The following GOLGA6L7 variants were observed in gnomAD, a reference collection of about 807,000 sequenced individuals.
GOLGA6L7 encodes golgin subfamily A member 6-like protein 7.
A neutral mutation model predicts 68.9 loss-of-function variants in GOLGA6L7; 29 were observed. The ratio of observed to expected loss-of-function variants is 0.42; its 90% CI spans 0.31 to 0.57. The LOEUF (loss-of-function observed/expected upper bound fraction) is 0.57, where lower values mean the gene tolerates loss of function less well. Ranked by LOEUF, GOLGA6L7 falls within the 20% of genes least tolerant of loss-of-function variation. GOLGA6L7 has a pLI of 0.13. For synonymous variants in GOLGA6L7, 133 were observed against 197.4 expected, an observed-to-expected ratio of 0.67 and a Z score of 2.73; for missense variants, 396 against 588.4, an observed-to-expected ratio of 0.67 and a Z score of 3.38.
At position 28,843,700 on chromosome 15, in the gene GOLGA6L7, C is replaced by T. The variant is rs560653632; in HGVS notation, c.663+34G>A. 2,083 of 629,108 alleles carry T rather than the reference C, an allele frequency of 3.3e-3. 8 individuals are homozygous for T. The highest frequency in any genetic ancestry group is 3.6e-3 in the Non-Finnish European group (1,295 of 356,950). 39.0% of individuals were successfully genotyped at this position (629,108 alleles called of 1,614,324 possible). On this transcript the variant is annotated intron_variant, in intron 8 of 8. Coordinates refer to ENST00000567390, the MANE Select transcript of GOLGA6L7 (RefSeq NM_001365371.2). Reference sequence around the variant, plus strand: ...CCCTAGACCATGTCCCAGCCGGATGCGGCTCCCACACCCCCGGGGCTGCCG... The same window carrying T: ...CCCTAGACCATGTCCCAGCCGGATGTGGCTCCCACACCCCCGGGGCTGCCG...
rs200799956 is a variant in GOLGA6L7, at chr15:28,846,571, AG to A, written c.181-323del. Among the ~76,000 whole-genome samples, 258 of 152,158 alleles carry A rather than the reference AG, an allele frequency of 1.7e-3. 1 individual carries two copies. The East Asian group carries it at 0.035, about 20-fold the overall frequency. ...TGGAGAAAGATGTGTTCATTCAACA[AG>A]CATTGAGCAAGCACATAGGGGCCGG... On this transcript the variant is annotated intron_variant, in intron 2 of 8. Coordinates refer to ENST00000567390, the MANE Select transcript of GOLGA6L7 (RefSeq NM_001365371.2).
intron 5 of GOLGA6L7, 36 bp downstream of exon 5, chr15:28,845,682 C>T (rs771125867): frequency 9.3e-6 from 7 of 756,712 alleles, no homozygotes; most frequent in Non-Finnish European, 7.2e-6. Context: ...TGTGAAAGTG[C>T]CAGGTTGAAG....
intron 6 of GOLGA6L7, chr15:28,845,138 A>ACACACC (rs887365424): frequency 2.6e-6 from 1 of 380,298 alleles, no homozygotes; most frequent in Non-Finnish European, 4.9e-6. Context: ...ACACACACAC[A>ACACACC]CACACACACA....
intron 8 of GOLGA6L7, 23 bp downstream of exon 8, chr15:28,843,711 C>T (rs1397990988): frequency 1.2e-5 from 8 of 645,478 alleles, no homozygotes; most frequent in Admixed American, 2.5e-5. Context: ...GGCTCCCACA[C>T]CCCCGGGGCT....
Position 28,843,230 on chromosome 15 carries a change from TCTGCTCCTCCTGCTTCC to T in GOLGA6L7, c.857_873del (p.Arg286HisfsTer218), listed in dbSNP as rs2030281248. The T allele has an allele frequency of 8.2e-7, 1 of 1,224,014 alleles. No homozygotes were observed. Among genetic ancestry groups the T allele is most frequent in the African/African-American group, 1.6e-5 (1 of 61,874 alleles). 75.8% of individuals were successfully genotyped at this position (1,224,014 alleles called of 1,614,324 possible). ...CGCATCTGCTCCTCCTGCTTCCGCA[TCTGCTCCTCCTGCTTCC>T]GCATCTGCTCCTCCTGCTCCTGCAT... On this transcript the variant is annotated frameshift_variant, in exon 9 of 9. Coordinates refer to ENST00000567390, the MANE Select transcript of GOLGA6L7 (RefSeq NM_001365371.2). LOFTEE classifies it high-confidence loss of function.
chr15:28,845,417 G>T lies in GOLGA6L7; in HGVS notation c.462+112C>A, dbSNP rs894230604. 5 of 699,418 alleles carry T rather than the reference G, an allele frequency of 7.1e-6. No individual in the cohort carries two copies. In the African/African-American group the frequency reaches 8.8e-5, roughly 12 times the overall value. The allele number at this position is 699,418 out of a possible 1,614,324, so 43.3% of individuals were successfully genotyped here. ...CCACGCACAAAAGCAGCAAGAAATG[G>T]CCCATGCTGTCTTCTGGGCAGGACA... On this transcript the variant is annotated intron_variant, in intron 6 of 8. Coordinates refer to ENST00000567390, the MANE Select transcript of GOLGA6L7 (RefSeq NM_001365371.2).
chr15:28,843,797 C>A lies in GOLGA6L7; in HGVS notation c.600G>T (p.Glu200Asp). 1 of 718,444 alleles carries A rather than the reference C, an allele frequency of 1.4e-6. No individual in the cohort carries two copies. The highest frequency in any genetic ancestry group is 2.4e-6 in the Non-Finnish European group (1 of 412,922). 44.5% of individuals were successfully genotyped at this position (718,444 alleles called of 1,614,324 possible). A position where few individuals can be genotyped will look rare whatever the true frequency, so the allele number is the denominator to read the frequency against. The change falls in exon 8 of 9, where the codon GAG becomes GAT. Residue 200 changes from glutamate (E) to aspartate (D), a missense_variant. Glu to Asp is a conservative substitution (Grantham distance 45, BLOSUM62 2). Coordinates refer to ENST00000567390, the MANE Select transcript of GOLGA6L7 (RefSeq NM_001365371.2). ...KLRLVETEKS[E>D]IQLHIKELKR... ...TTAGCTCCTTGATGTGGAGCTGGAT[C>A]TCAGACTTTTCAGTTTCTACCAGTC...
At position 28,843,271 on chromosome 15, in the gene GOLGA6L7, A is replaced by G; in HGVS notation, c.833T>C (p.Met278Thr). 4 of 1,294,514 alleles carry G rather than the reference A, an allele frequency of 3.1e-6. No individual in the cohort carries two copies. The highest frequency in any genetic ancestry group is 4.9e-4 in the Middle Eastern group (2 of 4,114). 80.2% of individuals were successfully genotyped at this position (1,294,514 alleles called of 1,614,324 possible). Residue 278 changes from methionine (M) to threonine (T), a missense_variant, in exon 9 of 9, where the codon ATG becomes ACG. By Grantham distance (81) the Met-to-Thr change is moderately conservative. Around this residue, in one of 5 missense-constraint regions of GOLGA6L7, gnomAD observed 114 missense variants for 186.0 expected, o/e 0.61. Coordinates refer to ENST00000567390, the MANE Select transcript of GOLGA6L7 (RefSeq NM_001365371.2). Reference protein sequence around the residue: ...EKELREQEQQMQEQEEQMRKQ... With the variant: ...EKELREQEQQTQEQEEQMRKQ... ...CCGCATCTGCTCCTCCTGCTCCTGC[A>G]TCTGCTGCTCCTGCTCCCGCAGCTC...
chr15:28,847,011 C>T (rs2030457984), intron 2 of GOLGA6L7, 53 bp downstream of exon 2: 6 of 872,212 alleles, frequency 6.9e-6, no homozygotes, highest in African/African-American at 2.7e-5. Context: ...CAGTTACCCT[C>T]GACCTCCCCC....
chr15:28,844,137 C>G, intron 7 of GOLGA6L7, 68 bp downstream of exon 7: 1 of 497,716 alleles, frequency 2.0e-6, no homozygotes, highest in South Asian at 3.5e-5. Flanking sequence ...ACCTGTACCC[C>G]CCACCTCCCA....
chr15:28,845,948 T>G lies in GOLGA6L7; in HGVS notation c.213A>C (p.Glu71Asp). Residue 71 changes from glutamate (E) to aspartate (D), a missense_variant and splice_region_variant, in exon 4 of 9, where the codon GAA becomes GAC. This residue lies in a region of GOLGA6L7 where 125 missense variants were observed against 119.4 expected (regional missense o/e 1.05). Coordinates refer to ENST00000567390, the MANE Select transcript of GOLGA6L7 (RefSeq NM_001365371.2). ...KQQNRAQLKE[E>D]NKASHQHQQA... Reference sequence around the variant, plus strand: ...GCTGATGTTGGTGGCTTGCCTTATTTTCCTATAGAAAAGAAGAGGAAGACA... The same window carrying G: ...GCTGATGTTGGTGGCTTGCCTTATTGTCCTATAGAAAAGAAGAGGAAGACA... 1 of 1,250,618 alleles carries G rather than the reference T, an allele frequency of 8.0e-7. No homozygotes were observed. Among genetic ancestry groups the G allele is most frequent in the East Asian group, 2.3e-5 (1 of 42,710 alleles). The allele number at this position is 1,250,618 out of a possible 1,614,324, so 77.5% of individuals were successfully genotyped here.
chr15:28,848,474 G>A (rs1052493348), intron 1 of GOLGA6L7, 25 bp downstream of exon 1: 1 of 702,092 alleles, frequency 1.4e-6, no homozygotes, highest in African/African-American at 1.7e-5. Flanking sequence ...TTGGGGTTGG[G>A]GTGCTGCAAT....
rs753596487 is a variant in GOLGA6L7, at chr15:28,846,263, C to A, written c.181-14G>T. On this transcript the variant is annotated splice_polypyrimidine_tract_variant and intron_variant, in intron 2 of 8. Transcript: ENST00000567390. ...GTTCTGTTGTTTCTGTGGGGAGAGTCAAAGGAAGGTGACTGAGGGTGGTCC... is the reference window on the plus strand; with the variant it reads ...GTTCTGTTGTTTCTGTGGGGAGAGTAAAAGGAAGGTGACTGAGGGTGGTCC... The A allele has an allele frequency of 1.3e-5, 10 of 770,212 alleles. No individual in the cohort carries two copies. Among genetic ancestry groups the A allele is most frequent in the Non-Finnish European group, 2.4e-5 (10 of 424,184 alleles). The allele number at this position is 770,212 out of a possible 1,614,324, so 47.7% of individuals were successfully genotyped here. A position where few individuals can be genotyped will look rare whatever the true frequency, so the allele number is the denominator to read the frequency against.
chr15:28,844,430 C>CT (rs3062970), intron 6 of GOLGA6L7, among the ~76,000 whole-genome samples, 167 bp from the exon 7 acceptor site: 1,782 of 128,694 alleles, frequency 0.014, 35 homozygotes, highest in Middle Eastern at 0.041. Context: ...TTTTTCTTTT[C>CT]TTTTTTTTTT....
chr15:28,846,890 G>A, intron 2 of GOLGA6L7, 174 bp downstream of exon 2: 3 of 537,174 alleles, frequency 5.6e-6, no homozygotes, highest in Non-Finnish European at 9.6e-6. Context: ...GAGGCCCAAA[G>A]AGCTCGAGCA....
Position 28,847,012 on chromosome 15 carries a change from G to A in GOLGA6L7, c.180+52C>T, listed in dbSNP as rs1243965618. 6.9e-6 allele frequency: 6 copies of A among 868,092 alleles called. 1 individual carries two copies. The highest frequency in any genetic ancestry group is 2.7e-5 in the African/African-American group (1 of 37,330). The allele number at this position is 868,092 out of a possible 1,614,324, so 53.8% of individuals were successfully genotyped here. The stretch of plus-strand genomic sequence containing the variant: ...TTCCACAATCTTAACAGTTACCCTC[G>A]ACCTCCCCCTTGTGCCCCTTGTCCT... On this transcript the variant is annotated intron_variant, in intron 2 of 8. Coordinates refer to ENST00000567390, the MANE Select transcript of GOLGA6L7 (RefSeq NM_001365371.2).
At chr15:28,845,325 C>A (rs1426206005) in intron 6 of GOLGA6L7, 5 of 661,532 alleles carry the variant, frequency 7.6e-6, no homozygotes, top group Non-Finnish European at 1.4e-5. Context: ...GTGTCCAGTG[C>A]TCGCTCCCCA....
At chr15:28,845,470 C>T in intron 6 of GOLGA6L7, 59 bp downstream of exon 6, 3 of 701,592 alleles carry the variant, frequency 4.3e-6, no homozygotes, top group Non-Finnish European at 7.8e-6. Context: ...GACCTTTAGG[C>T]TCATTCCTCC....
At position 28,843,297 on chromosome 15, in the gene GOLGA6L7, C is replaced by T. The variant is rs867467695; in HGVS notation, c.807G>A (p.Lys269=). 1.3e-4 allele frequency: 162 copies of T among 1,219,252 alleles called. 1 individual carries two copies. In the Middle Eastern group the frequency reaches 1.9e-3, roughly 14 times the overall value. 75.5% of individuals were successfully genotyped at this position (1,219,252 alleles called of 1,614,324 possible). A position where few individuals can be genotyped will look rare whatever the true frequency, so the allele number is the denominator to read the frequency against. Residue 269 remains lysine (K), a synonymous_variant, in exon 9 of 9, where the codon AAG becomes AAA. Transcript: ENST00000567390. The part of the protein sequence containing the change: ...RQEQRLRDQE[K]ELREQEQQMQ... ...TCTGCTGCTCCTGCTCCCGCAGCTC[C>T]TTCTCCTGGTCCCGCAGCCTCTGCT...
Sources: allele counts gnomAD v4.1 joint callset (sites outside exome capture counted in the v4.1 genomes callset), GRCh38; gene constraint gnomAD v4.1.1; regional missense constraint gnomAD v4.1.1; transcripts MANE v1.5; gene names NCBI Gene and HGNC (gene_info 2026-07-23, HGNC 2026-07-21).